KALRN: variants seen among roughly 807,000 people sequenced by gnomAD.
KALRN encodes kalirin RhoGEF kinase, also known as kalirin.
Under a neutral mutation model 353.7 loss-of-function variants are expected in KALRN, and 70 were observed. The observed-to-expected ratio is 0.20, with a 90% CI of 0.16 to 0.24. The LOEUF (loss-of-function observed/expected upper bound fraction) is 0.24, where lower values mean the gene tolerates loss of function less well. Among genes scored for constraint, KALRN ranks in the 10% least tolerant of loss-of-function variants. The pLI, the probability that KALRN is intolerant of heterozygous loss-of-function variation, is 1.00. For missense variants in KALRN, 2,791 were observed against 3,756.7 expected (o/e 0.74, Z 6.72); for synonymous variants, 1,391 against 1,434.8 (o/e 0.97, Z 0.69).
chr3:124,465,478 G>A (rs1023499637), intron 25 of KALRN, among the ~76,000 whole-genome samples: 4 of 152,112 alleles, frequency 2.6e-5, no homozygotes, highest in African/African-American at 9.7e-5. Flanking sequence ...GTTTGTAAAA[G>A]TCTCAAGACA....
At chr3:124,453,832 C>T (rs549840473) in intron 21 of KALRN, among the ~76,000 whole-genome samples, 1 of 152,330 alleles carries the variant, frequency 6.6e-6, no homozygotes, top group African/African-American at 2.4e-5. Flanking sequence ...CTCCCCTACC[C>T]ATGCCTGTCC....
chr3:124,129,300 T>TCTGCTAGA (rs1172038127), intron 1 of KALRN, among the ~76,000 whole-genome samples: 1 of 152,142 alleles, frequency 6.6e-6, no homozygotes, highest in Non-Finnish European at 1.5e-5. Flanking sequence ...TGTCTTTTGC[T>TCTGCTAGA]CTGCTAGAGG....
At chr3:124,351,547 C>T (rs753699526) in intron 10 of KALRN, among the ~76,000 whole-genome samples, 1 of 152,174 alleles carries the variant, frequency 6.6e-6, no homozygotes, top group Non-Finnish European at 1.5e-5. Context: ...ATTTGTCCTT[C>T]TGCAAGGAAA....
chr3:124,364,037 T>C (rs1228826721), intron 10 of KALRN, among the ~76,000 whole-genome samples: 1 of 152,036 alleles, frequency 6.6e-6, no homozygotes, highest in Non-Finnish European at 1.5e-5. Flanking sequence ...AGCAAGGGAG[T>C]GCTACAGTGC....
At chr3:124,420,723 A>T (rs1156704767) in intron 14 of KALRN, among the ~76,000 whole-genome samples, 3 of 152,068 alleles carry the variant, frequency 2.0e-5, no homozygotes, top group African/African-American at 7.2e-5. Context: ...GTAACACCAG[A>T]AAAAAAAGGT....
chr3:124,219,034 G>A (rs1183877051), intron 1 of KALRN, among the ~76,000 whole-genome samples: 1 of 152,180 alleles, frequency 6.6e-6, no homozygotes, highest in Non-Finnish European at 1.5e-5. Context: ...GAACATGAAG[G>A]TAGAAATAAG....
chr3:124,080,582 AG>A (rs1308820061), intron 1 of KALRN, among the ~76,000 whole-genome samples: 1 of 152,236 alleles, frequency 6.6e-6, no homozygotes, highest in African/African-American at 2.4e-5. Flanking sequence ...TGTATTTCAC[AG>A]TGTGGATATT....
At chr3:124,179,478 T>C (rs1454260923) in intron 1 of KALRN, among the ~76,000 whole-genome samples, 1 of 152,268 alleles carries the variant, frequency 6.6e-6, no homozygotes, top group African/African-American at 2.4e-5. Flanking sequence ...CTGAAAGACC[T>C]GCTTAGACTG....
Position 124,240,335 on chromosome 3 carries a change from G to A in KALRN, c.263+5392G>A, listed in dbSNP as rs1043287244. 4.6e-5 allele frequency among the ~76,000 whole-genome samples: 7 copies of A among 152,154 alleles called. No individual in the cohort carries two copies. In the East Asian group the frequency reaches 1.3e-3, roughly 29 times the overall value. ...CCTTTCTGCAGCTGGGAAACATATG[G>A]CCCCTCAACCTGGGTAATTTGGGAA... On this transcript the variant is annotated intron_variant, in intron 3 of 59. Transcript: ENST00000682506.
At chr3:124,212,340 G>A (rs1218472764) in intron 1 of KALRN, among the ~76,000 whole-genome samples, 1 of 151,582 alleles carries the variant, frequency 6.6e-6, no homozygotes, top group Non-Finnish European at 1.5e-5. Context: ...TTGAGTCTCA[G>A]CAATCTGATA....
At chr3:124,209,768 T>C (rs575771605) in intron 1 of KALRN, among the ~76,000 whole-genome samples, 1 of 152,360 alleles carries the variant, frequency 6.6e-6, no homozygotes, top group South Asian at 2.1e-4. Context: ...ATCTTAACTT[T>C]TGCACTAACT....
At chr3:124,613,179 C>T (rs534377163) in intron 34 of KALRN, among the ~76,000 whole-genome samples, 3 of 138,706 alleles carry the variant, frequency 2.2e-5, no homozygotes, top group Admixed American at 7.4e-5. Flanking sequence ...TAGTATTTGG[C>T]AGCAGAGTGG....
At chr3:124,509,776 C>T (rs2065672102) in intron 33 of KALRN, among the ~76,000 whole-genome samples, 1 of 152,214 alleles carries the variant, frequency 6.6e-6, no homozygotes, top group Non-Finnish European at 1.5e-5. Context: ...TGACAAACAG[C>T]CAAAATCTAG....
intron 13 of KALRN, among the ~76,000 whole-genome samples, chr3:124,411,831 G>T (rs1204320727): frequency 6.6e-6 from 1 of 151,994 alleles, no homozygotes; most frequent in Non-Finnish European, 1.5e-5. Flanking sequence ...TTCAAAGATG[G>T]GGCTTTAACA....
At chr3:124,138,442 G>A (rs765896870) in intron 1 of KALRN, among the ~76,000 whole-genome samples, 3 of 152,108 alleles carry the variant, frequency 2.0e-5, no homozygotes, top group Non-Finnish European at 4.4e-5. Context: ...ATGGGTTCTG[G>A]TGCTCAGAAT....
intron 1 of KALRN, among the ~76,000 whole-genome samples, chr3:124,161,760 A>C (rs192082275): frequency 2.0e-5 from 3 of 152,268 alleles, no homozygotes; most frequent in Admixed American, 2.0e-4. Context: ...GATCACCCCC[A>C]ATTGTCTCCT....
chr3:124,432,386 C>A (rs2093313209), intron 16 of KALRN, among the ~76,000 whole-genome samples: 1 of 152,108 alleles, frequency 6.6e-6, no homozygotes, highest in African/African-American at 2.4e-5. Flanking sequence ...TGCACTCCAG[C>A]CTGGGTAATA....
At chr3:124,122,917 T>G (rs937482220) in intron 1 of KALRN, among the ~76,000 whole-genome samples, 1 of 152,244 alleles carries the variant, frequency 6.6e-6, no homozygotes, top group East Asian at 1.9e-4. Flanking sequence ...AAGGCTAAGA[T>G]AGCAGCCGGG....
chr3:124,426,808 T>C (rs1464889367), intron 15 of KALRN, among the ~76,000 whole-genome samples: 3 of 152,168 alleles, frequency 2.0e-5, no homozygotes, highest in Non-Finnish European at 4.4e-5. Flanking sequence ...ATGGTGAAGA[T>C]GACCTCACAT....
Sources: gnomAD v4.1 joint callset for allele counts (sites outside exome capture counted in the v4.1 genomes callset) on GRCh38, gnomAD v4.1.1 for gene constraint, MANE v1.5 for transcripts, NCBI Gene and HGNC (gene_info 2026-07-23, HGNC 2026-07-21) for gene names.